EXD2: variants seen among roughly 807,000 people sequenced by gnomAD.
EXD2 encodes the protein exonuclease 3'-5' domain-containing protein 2.
A neutral mutation model predicts 62.5 loss-of-function variants in EXD2; 40 were observed. The observed-to-expected ratio is 0.64, with a 90% confidence interval of 0.50 to 0.83. The LOEUF is 0.83. Among genes scored for constraint, EXD2 ranks in the 40% least tolerant of loss-of-function variants. The pLI is 0.00. For synonymous variants in EXD2, 239 were observed against 291.9 expected (o/e 0.82, Z 1.85); for missense variants, 671 against 761.8 (o/e 0.88, Z 1.40).
At chr14:69,225,779 C>G (rs1031453196) in intron 3 of EXD2, among the ~76,000 whole-genome samples, 1 of 152,102 alleles carries the variant, frequency 6.6e-6, no homozygotes, top group Non-Finnish European at 1.5e-5. Context: ...GAAATAGAGA[C>G]TAGATATCTT....
chr14:69,209,894 T>C, intron 3 of EXD2, 91 bp downstream of exon 3: 2 of 1,091,908 alleles, frequency 1.8e-6, no homozygotes, highest in Admixed American at 6.6e-5. Flanking sequence ...GAAAATAAGG[T>C]TAAAGGAGAA....
At chr14:69,236,869 C>A (rs2043813002) in intron 8 of EXD2, among the ~76,000 whole-genome samples, 1 of 152,226 alleles carries the variant, frequency 6.6e-6, no homozygotes, top group Non-Finnish European at 1.5e-5. Context: ...TCTTGACTGG[C>A]TGACCAGCTT....
chr14:69,238,424 A>G (rs534913545), intron 9 of EXD2, among the ~76,000 whole-genome samples: 24 of 152,246 alleles, frequency 1.6e-4, no homozygotes, highest in African/African-American at 5.5e-4. Flanking sequence ...CTGATATACA[A>G]TGGCATAGTA....
At chr14:69,220,724 C>T (rs2043157245) in intron 3 of EXD2, among the ~76,000 whole-genome samples, 1 of 151,550 alleles carries the variant, frequency 6.6e-6, no homozygotes, top group African/African-American at 2.4e-5. Context: ...CAAAAATTAG[C>T]CGGGCTTGGT....
chr14:69,194,299 T>C (rs918528063), intron 1 of EXD2, among the ~76,000 whole-genome samples: 3 of 151,850 alleles, frequency 2.0e-5, no homozygotes, highest in Non-Finnish European at 4.4e-5. Context: ...CCACCTCGCT[T>C]GGCTAATTTT....
Position 69,223,461 on chromosome 14 carries a change from TAAAC to T in EXD2, c.334-5353_334-5350del, listed in dbSNP as rs560724157. On this transcript the variant is annotated intron_variant, in intron 3 of 9. Coordinates refer to ENST00000685843, the MANE Select transcript of EXD2 (RefSeq NM_001193360.2). ...TGGTGATATGATTGAAAGGCAGAAA[TAAAC>T]AGACAGTATATGTTAAATTTCTTTA... is the stretch of plus-strand genomic sequence containing the variant. 1.2e-4 allele frequency among the ~76,000 whole-genome samples: 19 copies of T among 152,288 alleles called. No individual in the cohort carries two copies. In the East Asian group the frequency reaches 1.5e-3, roughly 12 times the overall value.
At chr14:69,202,809 C>G (rs111733536) in intron 1 of EXD2, among the ~76,000 whole-genome samples, 1 of 152,042 alleles carries the variant, frequency 6.6e-6, no homozygotes, top group African/African-American at 2.4e-5. Flanking sequence ...AAACATTTGG[C>G]TGAAACAGAC....
intron 4 of EXD2, 59 bp from the exon 5 acceptor site, chr14:69,230,413 A>G: frequency 8.1e-7 from 1 of 1,234,142 alleles, no homozygotes; most frequent in Non-Finnish European, 1.1e-6. Context: ...GTCTTTTTTG[A>G]TTTTCTTGTC....
At chr14:69,236,574 T>C (rs1293301716) in intron 8 of EXD2, 32 bp downstream of exon 8, 1 of 1,613,678 alleles carries the variant, frequency 6.2e-7, no homozygotes, top group East Asian at 2.2e-5. Flanking sequence ...CCTGGTTGTC[T>C]GTGGCAGATG....
chr14:69,194,610 G>T lies in EXD2; in HGVS notation c.-132+3019G>T, dbSNP rs1302957348. Among the ~76,000 whole-genome samples the T allele has an allele frequency of 2.0e-5, 3 of 151,974 alleles. No individual in the cohort carries two copies. In the East Asian group the frequency reaches 5.8e-4, roughly 29 times the overall value. Reference sequence around the variant, plus strand: ...GATTCTCCCCCATCAGCCTCCCAAAGTTCTGGAATTATGGACATGAGCCAC... The same window carrying T: ...GATTCTCCCCCATCAGCCTCCCAAATTTCTGGAATTATGGACATGAGCCAC... On this transcript the variant is annotated intron_variant, in intron 1 of 9. Transcript: ENST00000685843.
rs1330887464 is a variant in EXD2, at chr14:69,209,444, CT to C, written c.-23del. On this transcript the variant is annotated 5_prime_UTR_variant, in exon 3 of 10. An upstream open reading frame in the 5' UTR loses its in-frame stop. Transcript: ENST00000685843. ...TGCAGATTGTGGGATTAGTGATATG[CT>C]TTTCTAAAGAGTAGAAAAGTCGAAG... 5 of 1,461,928 alleles carry C rather than the reference CT, an allele frequency of 3.4e-6. No individual in the cohort carries two copies. Among genetic ancestry groups the C allele is most frequent in the Non-Finnish European group, 2.7e-6 (3 of 1,102,784 alleles). 90.6% of individuals were successfully genotyped at this position (1,461,928 alleles called of 1,614,324 possible).
In EXD2 at chr14:69,242,031, C is replaced by A; in HGVS notation, c.*931C>A. 2.5e-6 allele frequency: 1 copy of A among 398,632 alleles called. No individual in the cohort carries two copies. Among genetic ancestry groups the A allele is most frequent in the South Asian group, 1.3e-4 (1 of 7,854 alleles). 24.7% of individuals were successfully genotyped at this position (398,632 alleles called of 1,614,324 possible). On this transcript the variant is annotated 3_prime_UTR_variant, in exon 10 of 10. Transcript: ENST00000685843. ...CTCTTTTAAGCATTTAATTCACTCCCAGAGTCATCTGGTCAGGTTGCAATA... is the reference window on the plus strand; with the variant it reads ...CTCTTTTAAGCATTTAATTCACTCCAAGAGTCATCTGGTCAGGTTGCAATA...
intron 1 of EXD2, among the ~76,000 whole-genome samples, chr14:69,203,081 A>G (rs1019543180): frequency 2.0e-5 from 3 of 152,120 alleles, no homozygotes; most frequent in Non-Finnish European, 4.4e-5. Flanking sequence ...TGTTTGAGGC[A>G]GGGTCTCACT....
chr14:69,205,858 T>C (rs758214910), intron 2 of EXD2, among the ~76,000 whole-genome samples: 2 of 152,176 alleles, frequency 1.3e-5, no homozygotes, highest in Admixed American at 6.5e-5. Context: ...AACTTGGGCC[T>C]TGTATCTGCT....
At chr14:69,235,820 AGT>A in intron 6 of EXD2, 1 of 543,034 alleles carries the variant, frequency 1.8e-6, no homozygotes, top group Non-Finnish European at 3.3e-6. Flanking sequence ...CTAGTCCATA[AGT>A]GTAAAAACTA....
intron 9 of EXD2, among the ~76,000 whole-genome samples, chr14:69,240,287 G>A (rs1303985290): frequency 2.0e-5 from 3 of 151,856 alleles, no homozygotes; most frequent in African/African-American, 7.3e-5. Flanking sequence ...AAGGAGGGAG[G>A]CATTCATCTT....
intron 2 of EXD2, among the ~76,000 whole-genome samples, chr14:69,205,487 T>C (rs757180774): frequency 7.9e-5 from 12 of 152,184 alleles, no homozygotes; most frequent in Non-Finnish European, 1.6e-4. Flanking sequence ...TTTTTAAAAA[T>C]TTTTAATAAA....
intron 3 of EXD2, among the ~76,000 whole-genome samples, chr14:69,216,128 A>G (rs1372389728): frequency 6.6e-6 from 1 of 152,168 alleles, no homozygotes; most frequent in African/African-American, 2.4e-5. Context: ...GTGTGTTTGT[A>G]TATGATGTGT....
At chr14:69,240,014 A>G (rs769407318) in intron 9 of EXD2, among the ~76,000 whole-genome samples, 15 of 152,238 alleles carry the variant, frequency 9.9e-5, no homozygotes, top group Non-Finnish European at 1.9e-4. Context: ...TGAGAAGAAC[A>G]GTTGTTTGGA....
Sources: allele counts gnomAD v4.1 joint callset (sites outside exome capture counted in the v4.1 genomes callset), GRCh38; gene constraint gnomAD v4.1.1; transcripts MANE v1.5; gene names NCBI Gene and HGNC (gene_info 2026-07-23, HGNC 2026-07-21).